SRGAP2C: variants seen among roughly 807,000 people sequenced by gnomAD.
SRGAP2C encodes the protein SLIT-ROBO Rho GTPase-activating protein 2C.
SRGAP2C carries 15 observed loss-of-function variants against 25.1 expected under a neutral mutation model. That is an observed-to-expected ratio of 0.60 (90% CI 0.40 to 0.92). The LOEUF (loss-of-function observed/expected upper bound fraction) is 0.92, where lower values mean the gene tolerates loss of function less well. SRGAP2C is among the 40% of genes least tolerant of loss of function. The pLI is 0.00. For missense variants in SRGAP2C, 144 were observed against 264.4 expected (o/e 0.54, Z 3.16); for synonymous variants, 44 against 96.6 (o/e 0.46, Z 3.19).
At chr1:121,239,090 C>CCTAGGGGGT (rs1263289467) in intron 2 of SRGAP2C, among the ~76,000 whole-genome samples, 3 of 123,630 alleles carry the variant, frequency 2.4e-5, no homozygotes, top group Non-Finnish European at 4.9e-5. Context: ...GTGCTGGGAA[C>CCTAGGGGGT]CTAGGGGGTG....
chr1:121,343,778 G>A (rs1387613437), intron 4 of SRGAP2C, among the ~76,000 whole-genome samples: 150 of 146,446 alleles, frequency 1.0e-3, no homozygotes, highest in Middle Eastern at 3.5e-3. Flanking sequence ...GATTCAGCTC[G>A]TTTTAGCAAG....
intron 2 of SRGAP2C, among the ~76,000 whole-genome samples, chr1:121,279,630 G>A (rs1282918775): frequency 1.0e-4 from 15 of 149,176 alleles, no homozygotes; most frequent in Admixed American, 3.4e-4. Flanking sequence ...ATACTAGGAC[G>A]AGTATAGTTA....
intron 2 of SRGAP2C, among the ~76,000 whole-genome samples, chr1:121,258,620 C>A (rs1656538795): frequency 2.0e-5 from 3 of 150,432 alleles, no homozygotes; most frequent in African/African-American, 7.3e-5. Flanking sequence ...CATGTGCCAC[C>A]ACACCCGGCT....
intron 2 of SRGAP2C, among the ~76,000 whole-genome samples, chr1:121,270,548 CT>C (rs587698939): frequency 3.1e-5 from 4 of 126,986 alleles, no homozygotes; most frequent in Admixed American, 1.6e-4. Context: ...TCTCTTAAGC[CT>C]TTTTTTTACA....
intron 2 of SRGAP2C, among the ~76,000 whole-genome samples, chr1:121,235,109 C>T (rs1222789382): frequency 1.4e-5 from 2 of 146,244 alleles, no homozygotes; most frequent in Non-Finnish European, 3.0e-5. Flanking sequence ...GCAAGCTCCG[C>T]CTCCCGGGTT....
At chr1:121,285,056 G>T (rs1459274875) in intron 3 of SRGAP2C, 61 bp downstream of exon 3, 2 of 739,982 alleles carry the variant, frequency 2.7e-6, no homozygotes, top group East Asian at 3.0e-5. Context: ...GGGTGGAGGG[G>T]GGCAGGGTAT....
chr1:121,203,819 CT>C (rs1208420955), intron 2 of SRGAP2C, among the ~76,000 whole-genome samples: 8 of 105,922 alleles, frequency 7.6e-5, no homozygotes, highest in East Asian at 2.7e-4. Flanking sequence ...TAGGATTGGC[CT>C]TTTTTTTTCA....
Position 121,185,136 on chromosome 1 carries a change from T to A in SRGAP2C, c.-543+12T>A. On this transcript the variant is annotated intron_variant, in intron 1 of 9. Transcript: ENST00000367123. ...CGCGTCAGAGCCAGGTAAAGGCTCCTTCCCTCTTCCTTTTCTTCCTCCCGG... is the reference window on the plus strand; with the variant it reads ...CGCGTCAGAGCCAGGTAAAGGCTCCATCCCTCTTCCTTTTCTTCCTCCCGG... 1 of 459,998 alleles carries A rather than the reference T, an allele frequency of 2.2e-6. No homozygotes were observed. Among genetic ancestry groups the A allele is most frequent in the Non-Finnish European group, 3.8e-6 (1 of 264,876 alleles). 28.5% of individuals were successfully genotyped at this position (459,998 alleles called of 1,614,324 possible).
intron 2 of SRGAP2C, among the ~76,000 whole-genome samples, chr1:121,249,572 ATATATATATT>A (rs1194142981): frequency 0.11 from 2,808 of 26,524 alleles, 19 homozygotes; most frequent in Non-Finnish European, 0.14. Flanking sequence ...ATATATATAT[ATATATATATT>A]TTTTTTTTTT....
chr1:121,236,637 T>A (rs1329063860), intron 2 of SRGAP2C, among the ~76,000 whole-genome samples: 1 of 152,128 alleles, frequency 6.6e-6, no homozygotes, highest in South Asian at 2.1e-4. Context: ...CTTCCTGGGT[T>A]CTAAAGAATC....
At chr1:121,378,761 G>T (rs1553354049) in intron 7 of SRGAP2C, among the ~76,000 whole-genome samples, 2 of 152,074 alleles carry the variant, frequency 1.3e-5, no homozygotes. Context: ...GAAGCCAAAT[G>T]TGTGCATAAG....
At chr1:121,217,804 C>T (rs1473039862) in intron 2 of SRGAP2C, among the ~76,000 whole-genome samples, 8 of 152,226 alleles carry the variant, frequency 5.3e-5, no homozygotes, top group East Asian at 3.9e-4. Context: ...GCAAATAAAC[C>T]GAAAGGTATT....
At chr1:121,232,520 GA>G (rs1436508683) in intron 2 of SRGAP2C, among the ~76,000 whole-genome samples, 2 of 112,614 alleles carry the variant, frequency 1.8e-5, no homozygotes, top group Non-Finnish European at 3.6e-5. Flanking sequence ...AGGTTAGAAG[GA>G]GCTTTGATCA....
chr1:121,212,645 G>C (rs1655295365), intron 2 of SRGAP2C, among the ~76,000 whole-genome samples: 1 of 151,970 alleles, frequency 6.6e-6, no homozygotes, highest in African/African-American at 2.4e-5. Flanking sequence ...GAAATAATCT[G>C]GAAGAGTTTC....
chr1:121,249,568 ATATATATATATATTTTTTTT>A (rs1265594877), intron 2 of SRGAP2C, among the ~76,000 whole-genome samples: 7 of 36,926 alleles, frequency 1.9e-4, no homozygotes, highest in African/African-American at 6.5e-4. Flanking sequence ...ATATATATAT[ATATATATATATATTTTTTTT>A]TTTTTTTTTT....
rs1216279905 is a variant in SRGAP2C, at chr1:121,294,595, T to C, written c.260+9600T>C. Among the ~76,000 whole-genome samples, 2 of 87,936 alleles carry C rather than the reference T, an allele frequency of 2.3e-5. 1 individual carries two copies. Among genetic ancestry groups the C allele is most frequent in the Non-Finnish European group, 5.1e-5 (2 of 39,166 alleles). 57.7% of individuals were successfully genotyped at this position (87,936 alleles called of 152,430 possible). A position where few individuals can be genotyped will look rare whatever the true frequency, so the allele number is the denominator to read the frequency against. ...TAATTGATAATGCATTGGCTGTTTT[T>C]TTTTTTTTTTAAATAGACTTCCTGT... On this transcript the variant is annotated intron_variant, in intron 3 of 9. Transcript: ENST00000367123.
intron 2 of SRGAP2C, among the ~76,000 whole-genome samples, chr1:121,236,169 T>C (rs1655953130): frequency 6.6e-6 from 1 of 151,494 alleles, no homozygotes; most frequent in Non-Finnish European, 1.5e-5. Flanking sequence ...GAGAACACAG[T>C]TTGGGCTCTA....
At chr1:121,362,605 A>T (rs1309399579) in intron 4 of SRGAP2C, 1 of 151,914 alleles carries the variant, frequency 6.6e-6, no homozygotes, top group Non-Finnish European at 1.5e-5. Flanking sequence ...CCATTCAAAC[A>T]TAAGGAGGAG....
At chr1:121,352,664 T>C (rs1246865268) in intron 4 of SRGAP2C, among the ~76,000 whole-genome samples, 1 of 147,100 alleles carries the variant, frequency 6.8e-6, no homozygotes, top group Non-Finnish European at 1.5e-5. Flanking sequence ...AAGAAAAATA[T>C]GAGAAAATAT....
Sources: allele counts gnomAD v4.1 joint callset (sites outside exome capture counted in the v4.1 genomes callset), GRCh38; gene constraint gnomAD v4.1.1; transcripts MANE v1.5; gene names NCBI Gene and HGNC (gene_info 2026-07-23, HGNC 2026-07-21).